Variants in ARHGAP32 observed in about 807,000 individuals in gnomAD.
ARHGAP32 encodes the protein rho GTPase-activating protein 32.
ARHGAP32 carries 51 observed loss-of-function variants against 186.5 expected under a neutral mutation model. The observed-to-expected ratio is 0.27, with a 90% confidence interval of 0.22 to 0.35. The LOEUF is 0.35. Ranked by LOEUF, ARHGAP32 falls within the 10% of genes least tolerant of loss-of-function variation. ARHGAP32 has a pLI of 1.00. For synonymous variants in ARHGAP32, 950 were observed against 964.3 expected (o/e 0.99, Z 0.27); for missense variants, 2,186 against 2,623.5 (o/e 0.83, Z 3.64).
At chr11:129,232,457 T>G (rs574069898) in intron 1 of ARHGAP32, among the ~76,000 whole-genome samples, 30 of 152,318 alleles carry the variant, frequency 2.0e-4, no homozygotes, top group African/African-American at 7.2e-4. Flanking sequence ...GAGCCAGTCA[T>G]TTCAAGGAAA....
intron 1 of ARHGAP32, among the ~76,000 whole-genome samples, chr11:129,185,093 C>T (rs1423518192): frequency 6.6e-6 from 1 of 152,144 alleles, no homozygotes; most frequent in African/African-American, 2.4e-5. Flanking sequence ...CCAGCCATCC[C>T]ATTACTGGGT....
At chr11:129,196,675 G>A (rs1488996101), upstream of ARHGAP32, among the ~76,000 whole-genome samples, 1 of 152,142 alleles carries the variant, frequency 6.6e-6, no homozygotes, top group African/African-American at 2.4e-5. Flanking sequence ...ACCACCTCAT[G>A]AGGCAGGAGC....
rs374380335 is a variant in ARHGAP32 at position 128,981,405 on chromosome 11, C to T, written c.1780+11G>A. ...ACACCCTCCTGGTAGGAAGGGCCAT[C>T]GGAGCCGTACCTGCCCCCTCTTGCA... On this transcript the variant is annotated intron_variant, in intron 17 of 22. Coordinates refer to ENST00000682385, the MANE Select transcript of ARHGAP32 (RefSeq NM_001378024.1). 2.2e-5 allele frequency: 35 copies of T among 1,572,952 alleles called. No homozygotes were observed. Among genetic ancestry groups the T allele is most frequent in the African/African-American group, 1.3e-4 (10 of 74,112 alleles).
chr11:129,012,862 G>A (rs1444059735), intron 11 of ARHGAP32, among the ~76,000 whole-genome samples: 1 of 152,124 alleles, frequency 6.6e-6, no homozygotes, highest in African/African-American at 2.4e-5. Context: ...TTTATAACTG[G>A]AATTATATAC....
At chr11:129,245,007 T>C (rs977757851) in intron 1 of ARHGAP32, among the ~76,000 whole-genome samples, 25 of 151,918 alleles carry the variant, frequency 1.6e-4, no homozygotes, top group Non-Finnish European at 4.4e-5. Flanking sequence ...GCTGGGACTG[T>C]AAACTAGTTC....
intron 2 of ARHGAP32, among the ~76,000 whole-genome samples, chr11:129,144,614 A>C (rs530180110): frequency 3.5e-4 from 54 of 152,304 alleles, no homozygotes; most frequent in African/African-American, 1.3e-3. Context: ...AACAGGAATC[A>C]AAGAAGGTGA....
At chr11:129,010,946 A>G (rs1211290147) in intron 11 of ARHGAP32, among the ~76,000 whole-genome samples, 2 of 152,222 alleles carry the variant, frequency 1.3e-5, no homozygotes, top group Non-Finnish European at 2.9e-5. Flanking sequence ...ACATATTTCT[A>G]AGAATGTTTC....
intron 5 of ARHGAP32, among the ~76,000 whole-genome samples, chr11:129,104,776 A>T (rs1227395191): frequency 6.6e-6 from 1 of 152,180 alleles, no homozygotes; most frequent in Non-Finnish European, 1.5e-5. Flanking sequence ...CACAAAAAAC[A>T]AGCACAATCT....
At chr11:129,050,835 CCT>C (rs1256067241) in intron 10 of ARHGAP32, among the ~76,000 whole-genome samples, 7 of 152,096 alleles carry the variant, frequency 4.6e-5, no homozygotes, top group Non-Finnish European at 1.0e-4. Flanking sequence ...TGCTCCCATC[CCT>C]GTGTCCATGT....
In ARHGAP32 at chr11:129,252,489, CTCT is replaced by C. The variant is rs914709389; in HGVS notation, c.-5+26654_-5+26656del. Among the ~76,000 whole-genome samples the C allele has an allele frequency of 5.9e-5, 9 of 152,266 alleles. No individual in the cohort carries two copies. The East Asian group carries it at 1.5e-3, about 26-fold the overall frequency. Reference sequence around the variant, plus strand: ...AATATTGATCACCATTAAGAATTAGCTCTTCTTCTTAACTAAACACACACAAAA... The same window carrying C: ...AATATTGATCACCATTAAGAATTAGCTCTTCTTAACTAAACACACACAAAA... On this transcript the variant is annotated intron_variant, in intron 1 of 6. Coordinates refer to the ARHGAP32 transcript ENST00000525234.
At chr11:129,137,371 A>AAAATT (rs1250219554) in intron 2 of ARHGAP32, among the ~76,000 whole-genome samples, 9 of 151,922 alleles carry the variant, frequency 5.9e-5, no homozygotes, top group Admixed American at 2.6e-4. Context: ...AAGTATTTGT[A>AAAATT]AAATTAAATT....
chr11:129,110,244 T>G (rs1942170651), intron 5 of ARHGAP32, among the ~76,000 whole-genome samples: 1 of 152,050 alleles, frequency 6.6e-6, no homozygotes, highest in African/African-American at 2.4e-5. Context: ...TAAAAAAAAT[T>G]TGGCTGTAAA....
At chr11:129,012,691 T>C (rs1311845441) in intron 11 of ARHGAP32, among the ~76,000 whole-genome samples, 2 of 152,076 alleles carry the variant, frequency 1.3e-5, no homozygotes, top group Non-Finnish European at 2.9e-5. Context: ...CCTGAGTCAG[T>C]AGTAATAGTA....
chr11:129,056,682 C>T (rs1463527632), intron 10 of ARHGAP32, among the ~76,000 whole-genome samples: 1 of 152,190 alleles, frequency 6.6e-6, no homozygotes, highest in African/African-American at 2.4e-5. Context: ...ATCACACACA[C>T]ATAGTGTGAC....
At chr11:129,033,365 T>C (rs965060882) in intron 11 of ARHGAP32, among the ~76,000 whole-genome samples, 2 of 152,214 alleles carry the variant, frequency 1.3e-5, no homozygotes, top group African/African-American at 4.8e-5. Context: ...AATACTCCCA[T>C]CATCAGCATA....
At chr11:128,973,481 T>G in intron 21 of ARHGAP32, 49 bp from the exon 22 acceptor site, 4 of 1,587,108 alleles carry the variant, frequency 2.5e-6, no homozygotes, top group South Asian at 1.1e-5. Context: ...TAGCTTACGT[T>G]ATCCTAAATG....
chr11:129,216,823 G>C (rs1944654118), intron 1 of ARHGAP32, among the ~76,000 whole-genome samples: 1 of 151,484 alleles, frequency 6.6e-6, no homozygotes, highest in Admixed American at 6.6e-5. Flanking sequence ...ATAGTGATTT[G>C]TTTTTATAAG....
intron 5 of ARHGAP32, among the ~76,000 whole-genome samples, chr11:129,117,349 A>G (rs1942395086): frequency 6.6e-6 from 1 of 152,094 alleles, no homozygotes; most frequent in Non-Finnish European, 1.5e-5. Context: ...TGCCTGGCTC[A>G]GACAAAACAT....
At chr11:129,037,806 G>A (rs10893953) in intron 11 of ARHGAP32, among the ~76,000 whole-genome samples, 41,649 of 151,594 alleles carry the variant, frequency 0.27, 6,287 homozygotes, top group Middle Eastern at 0.4. Context: ...ATTGGCATAA[G>A]AAAACACATA....
Sources: allele counts gnomAD v4.1 joint callset (sites outside exome capture counted in the v4.1 genomes callset), GRCh38; gene constraint gnomAD v4.1.1; transcripts MANE v1.5; gene names NCBI Gene and HGNC (gene_info 2026-07-23, HGNC 2026-07-21).